Variants in EXOSC7 observed in about 807,000 individuals in gnomAD.
EXOSC7 encodes exosome complex component RRP42.
EXOSC7 carries 25 observed loss-of-function variants against 34.3 expected under a neutral mutation model. The observed-to-expected ratio is 0.73, with a 90% CI of 0.53 to 1.02. The LOEUF (loss-of-function observed/expected upper bound fraction) is 1.02. EXOSC7 is among the 50% of genes least tolerant of loss of function. The probability of loss-of-function intolerance (pLI) is 0.00; values close to 1 mark genes in which losing one functional copy is unlikely to be tolerated. For missense variants in EXOSC7, 370 were observed against 368.5 expected (o/e 1.00, Z -0.03); for synonymous variants, 130 against 143.0 (o/e 0.91, Z 0.65).
Position 44,984,445 on chromosome 3 carries a change from T to TA in EXOSC7, c.58-4695_58-4694insA, listed in dbSNP as rs1180141979. Reference sequence around the variant, plus strand: ...GATCACCACTGCACTACAGCCTGGGTGACAGAGTGAGATCCTGTCTCAAAA... The same window carrying TA: ...GATCACCACTGCACTACAGCCTGGGTAGACAGAGTGAGATCCTGTCTCAAAA... On this transcript the variant is annotated intron_variant, in intron 1 of 7. Transcript: ENST00000265564. 2.7e-5 allele frequency among the ~76,000 whole-genome samples: 4 copies of TA among 150,560 alleles called. No individual in the cohort carries two copies. The East Asian group carries it at 7.8e-4, about 29-fold the overall frequency.
chr3:45,011,137 A>G (rs1023419795), intron 7 of EXOSC7, 98 bp from the exon 8 acceptor site: 15 of 615,820 alleles, frequency 2.4e-5, no homozygotes, highest in Admixed American at 3.5e-5. Context: ...AATGTGTACA[A>G]TGTCAGAAAG....
chr3:44,976,685 T>C (rs989584135), intron 1 of EXOSC7, among the ~76,000 whole-genome samples: 1 of 152,096 alleles, frequency 6.6e-6, no homozygotes, highest in Non-Finnish European at 1.5e-5. Context: ...TTCGAGGAAA[T>C]GGGAGTTTGG....
At chr3:45,008,551 C>T (rs1055470851) in intron 7 of EXOSC7, among the ~76,000 whole-genome samples, 2 of 152,094 alleles carry the variant, frequency 1.3e-5, no homozygotes, top group African/African-American at 4.8e-5. Flanking sequence ...GCCATAGTCC[C>T]CCTCATCTGC....
chr3:44,989,265 A>G, intron 2 of EXOSC7, 24 bp downstream of exon 2: 1 of 1,558,388 alleles, frequency 6.4e-7, no homozygotes, highest in East Asian at 2.2e-5. Flanking sequence ...CCATGGTTCA[A>G]GCCCAGGTGG....
chr3:44,990,821 C>A (rs1171802983), intron 3 of EXOSC7, among the ~76,000 whole-genome samples: 3 of 152,188 alleles, frequency 2.0e-5, no homozygotes, highest in Non-Finnish European at 4.4e-5. Flanking sequence ...CTACCCCCAT[C>A]AGTTTACTAT....
intron 4 of EXOSC7, among the ~76,000 whole-genome samples, chr3:44,999,703 G>A (rs1047273184): frequency 1.3e-5 from 2 of 151,790 alleles, no homozygotes; most frequent in African/African-American, 4.8e-5. Context: ...AAAAAAAAAA[G>A]TTGTCATCTT....
At chr3:44,983,125 G>C (rs1440203445) in intron 1 of EXOSC7, among the ~76,000 whole-genome samples, 1 of 152,196 alleles carries the variant, frequency 6.6e-6, no homozygotes, top group African/African-American at 2.4e-5. Context: ...GCGCCAACTT[G>C]TCAGTTTCTA....
chr3:45,005,387 T>A lies in EXOSC7; in HGVS notation c.588T>A (p.Asn196Lys). ...ACTGCATACGACTAAGTGTGGAGAA[T>A]GTCCCCTGCATTGTCACTCTGTGCA... Reference protein sequence around the residue: ...PYDCIRLSVENVPCIVTLCKI... With the variant: ...PYDCIRLSVEKVPCIVTLCKI... Residue 196 changes from asparagine (N) to lysine (K), a missense_variant, in exon 6 of 8, where the codon AAT (asparagine) becomes AAA (lysine). By Grantham distance (94) the Asn-to-Lys change is moderately conservative. Around this residue, in one of 3 missense-constraint regions of EXOSC7, gnomAD observed 255 missense variants for 246.4 expected, o/e 1.03. Transcript: ENST00000265564. The A allele has an allele frequency of 6.2e-7, 1 of 1,614,172 alleles. No individual in the cohort carries two copies. Among genetic ancestry groups the A allele is most frequent in the Non-Finnish European group, 8.5e-7 (1 of 1,180,010 alleles).
Position 45,011,377 on chromosome 3 carries a change from C to T in EXOSC7, c.*38C>T. 7.6e-7 allele frequency: 1 copy of T among 1,324,264 alleles called. No homozygotes were observed. The highest frequency in any genetic ancestry group is 1.1e-6 in the Non-Finnish European group (1 of 934,278). The allele number at this position is 1,324,264 out of a possible 1,614,324, so 82.0% of individuals were successfully genotyped here. On this transcript the variant is annotated 3_prime_UTR_variant, in exon 8 of 8. Coordinates refer to ENST00000265564, the MANE Select transcript of EXOSC7 (RefSeq NM_015004.4). ...CTGCTCAACTGTGGATTGTTTTTTA[C>T]TTTTCCTTTTAAACCGGTTCGTATA...
intron 1 of EXOSC7, among the ~76,000 whole-genome samples, chr3:44,976,921 C>A (rs1179191404): frequency 6.6e-6 from 1 of 152,024 alleles, no homozygotes; most frequent in African/African-American, 2.4e-5. Context: ...GCTAAAAATA[C>A]AAAAAAATTT....
intron 1 of EXOSC7, among the ~76,000 whole-genome samples, chr3:44,986,611 G>A (rs2125963824): frequency 6.6e-6 from 1 of 152,370 alleles, no homozygotes; most frequent in African/African-American, 2.4e-5. Context: ...CAGAGGAGGT[G>A]CCGAGAGCAA....
Position 44,989,244 on chromosome 3 carries a change from G to C in EXOSC7, c.159+3G>C. 6.2e-7 allele frequency: 1 copy of C among 1,607,108 alleles called. No individual in the cohort carries two copies. The highest frequency in any genetic ancestry group is 2.2e-5 in the East Asian group (1 of 44,842). ...GTGGGTCCGCCAGGGTCAAGCTGGT[G>C]AGTACTGTGACCATGGTTCAAGCCC... On this transcript the variant is annotated splice_donor_region_variant and intron_variant, in intron 2 of 7. Coordinates refer to ENST00000265564, the MANE Select transcript of EXOSC7 (RefSeq NM_015004.4).
At chr3:44,998,481 G>C (rs1329069571) in intron 4 of EXOSC7, among the ~76,000 whole-genome samples, 2 of 152,186 alleles carry the variant, frequency 1.3e-5, no homozygotes, top group African/African-American at 2.4e-5. Flanking sequence ...TTCCACTTCA[G>C]ATGAAGGACA....
At chr3:44,983,916 T>G (rs1361387044) in intron 1 of EXOSC7, among the ~76,000 whole-genome samples, 1 of 152,122 alleles carries the variant, frequency 6.6e-6, no homozygotes, top group Non-Finnish European at 1.5e-5. Flanking sequence ...GTTAGGTTGG[T>G]TTTTTTGGTT....
At chr3:44,986,261 G>A (rs147527509) in intron 1 of EXOSC7, among the ~76,000 whole-genome samples, 26 of 152,274 alleles carry the variant, frequency 1.7e-4, no homozygotes, top group African/African-American at 4.8e-4. Flanking sequence ...CTGCAGATCC[G>A]GAGCCCTGCC....
intron 3 of EXOSC7, among the ~76,000 whole-genome samples, chr3:44,992,860 G>A (rs1025907949): frequency 6.6e-6 from 1 of 152,168 alleles, no homozygotes; most frequent in Non-Finnish European, 1.5e-5. Context: ...AGAGGCTTGG[G>A]TTTTTAACTA....
intron 4 of EXOSC7, among the ~76,000 whole-genome samples, chr3:45,000,341 C>T (rs749323618): frequency 1.7e-4 from 26 of 152,344 alleles, no homozygotes; most frequent in Non-Finnish European, 3.5e-4. Context: ...TACAGAGTCC[C>T]AGCCTTTAGG....
rs769408113 is a variant in EXOSC7, at chr3:44,989,597, G to A, written c.207G>A (p.Pro69=). The stretch of plus-strand genomic sequence containing the variant: ...GAGTGAAAGCAGAAATGGGGACGCC[G>A]AAGCTGGAGAAACCAAATGAAGGCT... ...LVGVKAEMGT[P]KLEKPNEGYL... Residue 69 remains proline, a synonymous_variant, in exon 3 of 8, where the codon CCG becomes CCA. Coordinates refer to ENST00000265564, the MANE Select transcript of EXOSC7 (RefSeq NM_015004.4). The A allele has an allele frequency of 1.7e-5, 28 of 1,614,042 alleles. No homozygotes were observed. The highest frequency in any genetic ancestry group is 1.3e-4 in the South Asian group (12 of 91,074).
In EXOSC7 at chr3:44,989,583, G is replaced by GA. The variant is rs752386519; in HGVS notation, c.196dup (p.Met66AsnfsTer11). On this transcript the variant is annotated frameshift_variant, in exon 3 of 8. Coordinates refer to ENST00000265564, the MANE Select transcript of EXOSC7 (RefSeq NM_015004.4). LOFTEE classifies it high-confidence loss of function. ...AGACATCTTGGTGGGAGTGAAAGCA[G>GA]AAATGGGGACGCCGAAGCTGGAGAA... is the stretch of plus-strand genomic sequence containing the variant. The GA allele has an allele frequency of 1.1e-5, 18 of 1,614,188 alleles. No homozygotes were observed. The highest frequency in any genetic ancestry group is 1.5e-5 in the Non-Finnish European group (18 of 1,180,016).
Sources: allele counts gnomAD v4.1 joint callset (sites outside exome capture counted in the v4.1 genomes callset), GRCh38; gene constraint gnomAD v4.1.1; regional missense constraint gnomAD v4.1.1; transcripts MANE v1.5; gene names NCBI Gene and HGNC (gene_info 2026-07-23, HGNC 2026-07-21).